Variants in SEC11A observed in about 807,000 individuals in gnomAD.
The protein encoded by SEC11A is signal peptidase complex catalytic subunit SEC11A.
A neutral mutation model predicts 25.6 loss-of-function variants in SEC11A; 14 were observed. The observed-to-expected ratio is 0.55, with a 90% CI of 0.36 to 0.85. The LOEUF (loss-of-function observed/expected upper bound fraction) is 0.85, where lower values mean the gene tolerates loss of function less well. SEC11A is among the 40% of genes least tolerant of loss of function. The probability of loss-of-function intolerance (pLI) is 0.01; values close to 1 mark genes in which losing one functional copy is unlikely to be tolerated. For missense variants in SEC11A, 153 were observed against 222.9 expected (o/e 0.69, Z 2.00); for synonymous variants, 83 against 76.4 (o/e 1.09, Z -0.45).
At chr15:84,697,170 G>A (rs1897792344) in intron 1 of SEC11A, among the ~76,000 whole-genome samples, 1 of 152,158 alleles carries the variant, frequency 6.6e-6, no homozygotes, top group Admixed American at 6.6e-5. Flanking sequence ...GCTGAGGTAG[G>A]AGGATTGCTT....
intron 1 of SEC11A, among the ~76,000 whole-genome samples, chr15:84,712,334 G>T (rs1349886768): frequency 6.6e-6 from 1 of 152,120 alleles, no homozygotes; most frequent in Non-Finnish European, 1.5e-5. Flanking sequence ...TACTGGGGAG[G>T]ATGTGGAGCA....
At chr15:84,686,084 G>C (rs970871701) in intron 3 of SEC11A, 2 of 152,010 alleles carry the variant, frequency 1.3e-5, no homozygotes, top group African/African-American at 4.8e-5. Flanking sequence ...TTACAGGCAT[G>C]AGCCACTGCT....
chr15:84,678,436 T>C (rs1897197058), intron 4 of SEC11A, among the ~76,000 whole-genome samples: 1 of 152,096 alleles, frequency 6.6e-6, no homozygotes, highest in Non-Finnish European at 1.5e-5. Flanking sequence ...TATCATAACA[T>C]TGTTCGCAAT....
At chr15:84,706,913 GAC>G (rs1898110949) in intron 1 of SEC11A, among the ~76,000 whole-genome samples, 1 of 152,204 alleles carries the variant, frequency 6.6e-6, no homozygotes, top group Non-Finnish European at 1.5e-5. Flanking sequence ...TGGTAAGACA[GAC>G]ACTGACAGGC....
chr15:84,677,542 G>C (rs964425170), intron 4 of SEC11A, among the ~76,000 whole-genome samples: 2 of 149,332 alleles, frequency 1.3e-5, no homozygotes, highest in African/African-American at 5.0e-5. Flanking sequence ...GCGTGATCTC[G>C]GCTCACTGCA....
intron 2 of SEC11A, among the ~76,000 whole-genome samples, chr15:84,689,743 G>A (rs1380451163): frequency 3.3e-5 from 5 of 151,838 alleles, no homozygotes; most frequent in Admixed American, 1.3e-4. Flanking sequence ...GAGTAGCTGG[G>A]ACTACAGGCG....
At chr15:84,679,842 A>C in intron 4 of SEC11A, 1 of 913,812 alleles carries the variant, frequency 1.1e-6, no homozygotes, top group East Asian at 2.6e-5. Context: ...CTGGTACACA[A>C]TAAGCCCTAA....
At chr15:84,685,122 T>C (rs1596073052) in intron 3 of SEC11A, among the ~76,000 whole-genome samples, 1 of 152,202 alleles carries the variant, frequency 6.6e-6, no homozygotes, top group East Asian at 1.9e-4. Flanking sequence ...ACAAGTACCA[T>C]ATTTAAAATC....
At chr15:84,709,383 A>T (rs1264283734) in intron 1 of SEC11A, among the ~76,000 whole-genome samples, 1 of 152,020 alleles carries the variant, frequency 6.6e-6, no homozygotes, top group Non-Finnish European at 1.5e-5. Context: ...TTTAAGGGAA[A>T]GCGTGCATAG....
intron 2 of SEC11A, among the ~76,000 whole-genome samples, chr15:84,690,742 A>G (rs1207565324): frequency 6.6e-6 from 1 of 152,214 alleles, no homozygotes; most frequent in Non-Finnish European, 1.5e-5. Context: ...CCTGGAGTCT[A>G]GTTTAGAAGT....
chr15:84,702,466 CAA>C (rs759030374), intron 1 of SEC11A, among the ~76,000 whole-genome samples: 14 of 96,956 alleles, frequency 1.4e-4, no homozygotes, highest in Admixed American at 1.1e-4. Context: ...AACTCCGTCT[CAA>C]AAAAAAAAAA....
At chr15:84,704,915 G>A (rs931613558) in intron 1 of SEC11A, among the ~76,000 whole-genome samples, 1 of 86,504 alleles carries the variant, frequency 1.2e-5, no homozygotes, top group African/African-American at 5.5e-5. Flanking sequence ...TGCTACTTCT[G>A]GAGTCTTTTT....
chr15:84,691,845 A>G (rs1897617190), intron 1 of SEC11A: 1 of 401,890 alleles, frequency 2.5e-6, no homozygotes, highest in Non-Finnish European at 4.4e-6. Flanking sequence ...ACCCTGCTCC[A>G]TTTTGTTTGG....
intron 1 of SEC11A, among the ~76,000 whole-genome samples, chr15:84,699,219 G>A (rs1401589505): frequency 6.6e-6 from 1 of 151,534 alleles, no homozygotes; most frequent in Non-Finnish European, 1.5e-5. Flanking sequence ...GGAGGTTGAG[G>A]TGGGAGGATG....
At chr15:84,701,521 G>A (rs1398757396) in intron 1 of SEC11A, among the ~76,000 whole-genome samples, 2 of 151,172 alleles carry the variant, frequency 1.3e-5, no homozygotes, top group Non-Finnish European at 2.9e-5. Flanking sequence ...CTCCAGCCTG[G>A]GCAACAAAGC....
At chr15:84,694,648 G>GT (rs897757006) in intron 1 of SEC11A, among the ~76,000 whole-genome samples, 1 of 152,100 alleles carries the variant, frequency 6.6e-6, no homozygotes, top group African/African-American at 2.4e-5. Flanking sequence ...ATACTAGGGT[G>GT]TTAATGCATG....
At chr15:84,675,989 G>T (rs187326995) in intron 4 of SEC11A, among the ~76,000 whole-genome samples, 2 of 152,186 alleles carry the variant, frequency 1.3e-5, no homozygotes, top group Non-Finnish European at 2.9e-5. Flanking sequence ...GCTGTCCGAG[G>T]CTACAGGAAG....
rs367730222 is a variant in SEC11A at position 84,716,127 on chromosome 15, G to C, written c.-52C>G. On this transcript the variant is annotated 5_prime_UTR_variant, in exon 1 of 6. Transcript: ENST00000268220. ...CAGGGGAAAGGGCGCGATGACCAGC[G>C]GGCGGAACTACTGGAGCTCGGGTCG... 4.2e-5 allele frequency: 66 copies of C among 1,564,218 alleles called. No homozygotes were observed. Among genetic ancestry groups the C allele is most frequent in the Non-Finnish European group, 5.5e-5 (62 of 1,136,844 alleles).
intron 3 of SEC11A, among the ~76,000 whole-genome samples, chr15:84,683,494 C>A (rs189362888): frequency 6.6e-6 from 1 of 152,234 alleles, no homozygotes; most frequent in Admixed American, 6.5e-5. Flanking sequence ...TTTGAAAAAG[C>A]ATAGATATTC....
Sources: allele counts gnomAD v4.1 joint callset (sites outside exome capture counted in the v4.1 genomes callset), GRCh38; gene constraint gnomAD v4.1.1; transcripts MANE v1.5; gene names NCBI Gene and HGNC (gene_info 2026-07-23, HGNC 2026-07-21).